Variants in RNF213 observed in about 807,000 individuals in gnomAD.
RNF213 encodes E3 ubiquitin-protein ligase RNF213.
A neutral mutation model predicts 514.4 loss-of-function variants in RNF213; 341 were observed. That is an observed-to-expected ratio of 0.66 (90% confidence interval 0.61 to 0.73). The LOEUF is 0.73. Among genes scored for constraint, RNF213 ranks in the 30% least tolerant of loss-of-function variants. The pLI, the probability that RNF213 is intolerant of heterozygous loss-of-function variation, is 0.00. For synonymous variants in RNF213, 2,655 were observed against 2,658.2 expected (o/e 1.00, Z 0.04); for missense variants, 5,767 against 6,615.6 (o/e 0.87, Z 4.45).
At position 80,263,881 on chromosome 17, in the gene RNF213, G is replaced by C. The variant is rs868006535; in HGVS notation, c.97+103G>C. 3.7e-5 allele frequency: 34 copies of C among 925,984 alleles called. No individual in the cohort carries two copies. The highest frequency in any genetic ancestry group is 2.3e-4 in the Middle Eastern group (1 of 4,328). The allele number at this position is 925,984 out of a possible 1,614,324, so 57.4% of individuals were successfully genotyped here. A position where few individuals can be genotyped will look rare whatever the true frequency, so the allele number is the denominator to read the frequency against. ...AAACCCTGGGCAGCAGGCAGCTCAG[G>C]TGGGGCCGAGGTCCTCTGTGGCTAC... On this transcript the variant is annotated intron_variant, in intron 2 of 67. Transcript: ENST00000582970. The surrounding 1 kb of genome is among the most constrained non-coding windows in gnomAD (Gnocchi z 4.9).
intron 6 of RNF213, 98 bp from the exon 7 acceptor site, chr17:80,290,460 TGTGTGTGTGCAC>T (rs929658780): frequency 8.6e-5 from 113 of 1,315,874 alleles, no homozygotes; most frequent in South Asian, 1.2e-4. Flanking sequence ...TGCGAGTGCA[TGTGTGTGTGCAC>T]GTGTGTGTGC....
At chr17:80,324,733 A>G (rs2046234933) in intron 17 of RNF213, among the ~76,000 whole-genome samples, 2 of 151,248 alleles carry the variant, frequency 1.3e-5, no homozygotes, top group South Asian at 4.2e-4. Context: ...ATGAAAGTCC[A>G]AAAAAAAATG....
chr17:80,261,941 C>G (rs962594739), intron 1 of RNF213, among the ~76,000 whole-genome samples: 8 of 152,152 alleles, frequency 5.3e-5, no homozygotes, highest in Admixed American at 5.2e-4. Flanking sequence ...CGCTAGAGCC[C>G]GGGAGGCGGA....
chr17:80,343,810 C>T lies in RNF213; in HGVS notation c.6184-47C>T, dbSNP rs747293195. On this transcript the variant is annotated intron_variant, in intron 27 of 67. Coordinates refer to ENST00000582970, the MANE Select transcript of RNF213 (RefSeq NM_001256071.3). The surrounding 1 kb of genome is among the most constrained non-coding windows in gnomAD (Gnocchi z 4.3). ...GAGGGGTTACTTAGAGTTGGGAGAA[C>T]TCGCCATCGTGTCGTGTGTTTACAC... 31 of 1,605,148 alleles carry T rather than the reference C, an allele frequency of 1.9e-5. No individual in the cohort carries two copies. In the Middle Eastern group the frequency reaches 1.4e-3, roughly 73 times the overall value.
chr17:80,276,989 G>T (rs1256897302), intron 3 of RNF213, among the ~76,000 whole-genome samples: 2 of 151,952 alleles, frequency 1.3e-5, no homozygotes, highest in Non-Finnish European at 2.9e-5. Flanking sequence ...CCCGGGAGGG[G>T]GAGGTTTCAG....
rs2078291245 is a variant in RNF213 at position 80,345,816 on chromosome 17, C to G, written c.7481C>G (p.Ala2494Gly). Residue 2494 changes from alanine to glycine, a missense_variant, in exon 29 of 68, where the codon GCT (alanine) becomes GGT (glycine). This residue lies in a region of RNF213 where 1,377 missense variants were observed against 1,635.2 expected (regional missense o/e 0.84). Coordinates refer to ENST00000582970, the MANE Select transcript of RNF213 (RefSeq NM_001256071.3). This position sits in a 1 kb window ranked among gnomAD's most constrained non-coding sequence, Gnocchi z 6.0. ...TTTGATGAAGCCAACACAACGGAAG[C>G]TATAAGCTGTATCAAAGAAGTCCTG... ...LFFDEANTTE[A>G]ISCIKEVLCD... is the part of the protein sequence containing the mutation. The G allele has an allele frequency of 6.2e-7, 1 of 1,614,006 alleles. No homozygotes were observed. The highest frequency in any genetic ancestry group is 1.3e-5 in the African/African-American group (1 of 74,942).
Position 80,289,818 on chromosome 17 carries a change from G to GCCT in RNF213, c.1093_1094insCCT (p.Val365delinsAlaPhe). 1 of 1,611,216 alleles carries GCCT rather than the reference G, an allele frequency of 6.2e-7. No homozygotes were observed. The highest frequency in any genetic ancestry group is 8.5e-7 in the Non-Finnish European group (1 of 1,178,928). The stretch of plus-strand genomic sequence containing the variant: ...GGAGCAAAAAAACCAGGAAGCAGAT[G>GCCT]TCCAGGAAGTGAAGGCAAGGTAGGG... On this transcript the variant is annotated protein_altering_variant, in exon 6 of 68. Transcript: ENST00000582970.
At chr17:80,341,582 T>A (rs955667291) in intron 26 of RNF213, 9 of 151,918 alleles carry the variant, frequency 5.9e-5, no homozygotes, top group African/African-American at 2.2e-4. Context: ...AAACTGTACT[T>A]TAAAAATTAG....
Position 80,345,073 on chromosome 17 carries a change from C to G in RNF213, c.6738C>G (p.Gly2246=), listed in dbSNP as rs1568101510. The change falls in exon 29 of 68, where the codon GGC becomes GGG. Residue 2246 remains glycine, a synonymous_variant. Coordinates refer to ENST00000582970, the MANE Select transcript of RNF213 (RefSeq NM_001256071.3). This position sits in a 1 kb window ranked among gnomAD's most constrained non-coding sequence, Gnocchi z 6.0. ...NPSFIGDTLR[G]FKKFVVTFMI... Reference sequence around the variant, plus strand: ...GTTTTATTGGCGACACACTGAGGGGCTTCAAGAAGTTCGTGGTGACCTTCA... The same window carrying G: ...GTTTTATTGGCGACACACTGAGGGGGTTCAAGAAGTTCGTGGTGACCTTCA... 6.2e-7 allele frequency: 1 copy of G among 1,614,112 alleles called. No homozygotes were observed. Among genetic ancestry groups the G allele is most frequent in the East Asian group, 2.2e-5 (1 of 44,884 alleles).
At chr17:80,320,020 T>C (rs771864507) in intron 17 of RNF213, 5 of 1,027,454 alleles carry the variant, frequency 4.9e-6, no homozygotes, top group Non-Finnish European at 5.9e-6. Context: ...GTTAACTCTT[T>C]GTTGAGATAT....
In RNF213 at chr17:80,263,644, C is replaced by T. The variant is rs369918247; in HGVS notation, c.-38C>T. ...TAGCAGGCTGCCAGCGACTCCTGCT[C>T]TTGCTTCTGGATCTGCAGGGCAGTC... is the stretch of plus-strand genomic sequence containing the variant. On this transcript the variant is annotated 5_prime_UTR_variant, in exon 2 of 68. Transcript: ENST00000582970. The surrounding 1 kb of genome is among the most constrained non-coding windows in gnomAD (Gnocchi z 4.9). 2.4e-5 allele frequency: 37 copies of T among 1,573,276 alleles called. No individual in the cohort carries two copies. The highest frequency in any genetic ancestry group is 3.3e-5 in the Admixed American group (2 of 59,954).
In RNF213 at chr17:80,348,003, C is replaced by T. The variant is rs567658257; in HGVS notation, c.9668C>T (p.Ser3223Leu). 24 of 1,614,216 alleles carry T rather than the reference C, an allele frequency of 1.5e-5. No individual in the cohort carries two copies. In the African/African-American group the frequency reaches 2.4e-4, roughly 16 times the overall value. Reference sequence around the variant, plus strand: ...TCTGACGTCTTCATCGGCTACCACTCGGACGCCTGCGCGTCTGTGGTGCTG... The same window carrying T: ...TCTGACGTCTTCATCGGCTACCACTTGGACGCCTGCGCGTCTGTGGTGCTG... ...SPSDVFIGYH[S>L]DACASVVLQV... Residue 3223 changes from serine (S) to leucine (L), a missense_variant, in exon 29 of 68, where the codon TCG becomes TTG. By Grantham distance (145) the Ser-to-Leu change is moderately radical (BLOSUM62 -2). Transcript: ENST00000582970.
At chr17:80,361,985 G>C (rs1235430978) in intron 39 of RNF213, 97 bp downstream of exon 39, 1 of 1,378,422 alleles carries the variant, frequency 7.3e-7, no homozygotes, top group Non-Finnish European at 1.0e-6. Flanking sequence ...CCTGGAGCTG[G>C]TGCTGTGAAG....
At chr17:80,349,223 C>T (rs1007391326) in intron 29 of RNF213, among the ~76,000 whole-genome samples, 1 of 152,120 alleles carries the variant, frequency 6.6e-6, no homozygotes, top group Non-Finnish European at 1.5e-5. Context: ...TGATGATGTC[C>T]GCCGGGGACA....
At chr17:80,386,136 C>T (rs1277994701) in intron 61 of RNF213, 114 bp from the exon 62 acceptor site, 8 of 1,018,846 alleles carry the variant, frequency 7.9e-6, no homozygotes, top group Non-Finnish European at 1.2e-5. Context: ...AGAACCGAGA[C>T]CCGGCTCCCG....
intron 14 of RNF213, among the ~76,000 whole-genome samples, chr17:80,311,845 G>A (rs995864620): frequency 2.6e-5 from 4 of 152,132 alleles, no homozygotes; most frequent in African/African-American, 4.8e-5. Context: ...TCACACACTT[G>A]GCTGGGTGTA....
At chr17:80,312,265 G>A (rs2045596784) in intron 14 of RNF213, among the ~76,000 whole-genome samples, 2 of 152,346 alleles carry the variant, frequency 1.3e-5, no homozygotes, top group Admixed American at 1.3e-4. Context: ...GAGGACAGAG[G>A]GAGGAGGAAG....
Position 80,361,069 on chromosome 17 carries a change from G to T in RNF213, c.11201-665G>T, listed in dbSNP as rs566182056. 3.9e-5 allele frequency among the ~76,000 whole-genome samples: 6 copies of T among 152,250 alleles called. No individual in the cohort carries two copies. In the South Asian group the frequency reaches 1.2e-3, roughly 32 times the overall value. On this transcript the variant is annotated intron_variant, in intron 38 of 67. Coordinates refer to ENST00000582970, the MANE Select transcript of RNF213 (RefSeq NM_001256071.3). ...CAGCCCACTTGTTCCTAATTTACTT[G>T]GACCCGGGGGTTCCTGAAGCATGCT...
intron 22 of RNF213, among the ~76,000 whole-genome samples, chr17:80,335,359 G>A (rs1389600965): frequency 6.6e-6 from 1 of 152,210 alleles, no homozygotes; most frequent in Non-Finnish European, 1.5e-5. Flanking sequence ...GGCACAGGTG[G>A]CAGTGCAGGT....
Sources: gnomAD v4.1 joint callset for allele counts (sites outside exome capture counted in the v4.1 genomes callset) on GRCh38, gnomAD v4.1.1 for gene constraint, gnomAD v4.1.1 regional missense constraint, Gnocchi (gnomAD v3.1) non-coding constraint, MANE v1.5 for transcripts, NCBI Gene and HGNC (gene_info 2026-07-23, HGNC 2026-07-21) for gene names.